PDSS1: variants seen among roughly 807,000 people sequenced by gnomAD.
PDSS1 encodes the protein decaprenyl diphosphate synthase subunit 1.
A neutral mutation model predicts 57.5 loss-of-function variants in PDSS1; 43 were observed. The ratio of observed to expected loss-of-function variants is 0.75; its 90% confidence interval spans 0.59 to 0.96. PDSS1 has a LOEUF of 0.96. PDSS1 is among the 50% of genes least tolerant of loss of function. The pLI is 0.00. For missense variants in PDSS1, 438 were observed against 527.8 expected (o/e 0.83, Z 1.67); for synonymous variants, 175 against 191.3 (o/e 0.91, Z 0.70).
At chr10:26,718,604 T>G (rs1383227121) in intron 5 of PDSS1, 3 of 151,884 alleles carry the variant, frequency 2.0e-5, no homozygotes, top group Admixed American at 6.6e-5. Flanking sequence ...CTACTAAAAA[T>G]ACAAACATTA....
intron 8 of PDSS1, among the ~76,000 whole-genome samples, chr10:26,729,819 CCTA>C (rs1207089920): frequency 1.3e-5 from 2 of 151,826 alleles, no homozygotes; most frequent in African/African-American, 4.8e-5. Flanking sequence ...TTATTTCTAT[CCTA>C]CTGCTCAAGG....
chr10:26,721,214 G>A (rs1835769588), intron 6 of PDSS1, among the ~76,000 whole-genome samples: 1 of 151,296 alleles, frequency 6.6e-6, no homozygotes, highest in Non-Finnish European at 1.5e-5. Flanking sequence ...CAGGAGAATC[G>A]CTTGAACCTG....
chr10:26,709,548 C>T (rs988014145), intron 4 of PDSS1, 90 bp from the exon 5 acceptor site: 11 of 1,352,116 alleles, frequency 8.1e-6, no homozygotes, highest in African/African-American at 2.9e-5. Context: ...GCAACAAGAG[C>T]GAAACTCCGT....
At position 26,746,725 on chromosome 10, in the gene PDSS1, G is replaced by A. The variant is rs1836961634; in HGVS notation, c.*252G>A. On this transcript the variant is annotated 3_prime_UTR_variant, in exon 12 of 12. Coordinates refer to ENST00000376215, the MANE Select transcript of PDSS1 (RefSeq NM_014317.5). ...AATCAAGGTATCTTGATGGTTATATGTGGTATTGTTTACACTGTTAATATC... is the reference window on the plus strand; with the variant it reads ...AATCAAGGTATCTTGATGGTTATATATGGTATTGTTTACACTGTTAATATC... 8.2e-6 allele frequency: 4 copies of A among 489,548 alleles called. No individual in the cohort carries two copies. Among genetic ancestry groups the A allele is most frequent in the South Asian group, 4.2e-5 (2 of 48,186 alleles). The allele number at this position is 489,548 out of a possible 1,614,324, so 30.3% of individuals were successfully genotyped here. A position where few individuals can be genotyped will look rare whatever the true frequency, so the allele number is the denominator to read the frequency against.
chr10:26,742,670 A>G (rs1836669619), intron 11 of PDSS1, 93 bp downstream of exon 11: 1 of 758,024 alleles, frequency 1.3e-6, no homozygotes, highest in Non-Finnish European at 2.3e-6. Context: ...ACATTAAATT[A>G]TAGATACAAG....
At chr10:26,717,852 A>T (rs190516269) in intron 5 of PDSS1, 12 of 151,564 alleles carry the variant, frequency 7.9e-5, no homozygotes, top group Admixed American at 3.3e-4. Context: ...GCCTTATATT[A>T]AAAAAAAACT....
intron 10 of PDSS1, among the ~76,000 whole-genome samples, chr10:26,737,207 G>T (rs1467614432): frequency 6.6e-6 from 1 of 152,166 alleles, no homozygotes; most frequent in Non-Finnish European, 1.5e-5. Context: ...TTAAGTACTT[G>T]TTATGAACCC....
intron 6 of PDSS1, among the ~76,000 whole-genome samples, chr10:26,723,013 A>G (rs1022695047): frequency 1.3e-5 from 2 of 151,830 alleles, no homozygotes; most frequent in Admixed American, 6.6e-5. Context: ...GTATCGTGCC[A>G]TGCTCTGGGG....
At chr10:26,709,858 A>T in intron 5 of PDSS1, 90 bp downstream of exon 5, 4 of 1,373,266 alleles carry the variant, frequency 2.9e-6, no homozygotes, top group Non-Finnish European at 4.1e-6. Context: ...CCATTTAAGA[A>T]TTAGCATATA....
In PDSS1 at chr10:26,742,583, A is replaced by G. The variant is rs931110550; in HGVS notation, c.1107+6A>G. 2 of 1,586,098 alleles carry G rather than the reference A, an allele frequency of 1.3e-6. No homozygotes were observed. Among genetic ancestry groups the G allele is most frequent in the African/African-American group, 1.3e-5 (1 of 74,388 alleles). On this transcript the variant is annotated splice_donor_region_variant and intron_variant, in intron 11 of 11. Coordinates refer to ENST00000376215, the MANE Select transcript of PDSS1 (RefSeq NM_014317.5). ...CTCGACAGTATGTACTACAGGTAAG[A>G]CTGTTTTTTTAAAAAAAAGGCAGCA...
At chr10:26,721,419 T>G (rs1835778549) in intron 6 of PDSS1, among the ~76,000 whole-genome samples, 1 of 35,904 alleles carries the variant, frequency 2.8e-5, no homozygotes, top group Admixed American at 4.0e-4. Flanking sequence ...AAGAGATATA[T>G]GTATACACAC....
intron 8 of PDSS1, among the ~76,000 whole-genome samples, chr10:26,734,221 C>G (rs1248697403): frequency 6.6e-6 from 1 of 152,224 alleles, no homozygotes. Context: ...GACGCCTGAG[C>G]AAAGTTCACT....
intron 8 of PDSS1, among the ~76,000 whole-genome samples, chr10:26,729,039 C>A (rs1197902330): frequency 6.6e-6 from 1 of 152,098 alleles, no homozygotes; most frequent in Non-Finnish European, 1.5e-5. Context: ...CTCGGCCTCC[C>A]AAAGTGCTGG....
rs7083369 is a variant in PDSS1, at chr10:26,723,511, G to A, written c.610-295G>A. ...AACCGATTATTAGAAACTGGGAAGA[G>A]TGACATGGTCATCTCTGAGAGCCAG... On this transcript the variant is annotated intron_variant, in intron 6 of 11. Transcript: ENST00000376215. Among the ~76,000 whole-genome samples the A allele has an allele frequency of 0.015, 2,320 of 152,158 alleles. 51 individuals are homozygous for A. Among genetic ancestry groups the A allele is most frequent in the African/African-American group, 0.053 (2,181 of 41,486 alleles).
intron 6 of PDSS1, among the ~76,000 whole-genome samples, chr10:26,723,315 A>G (rs12248463): frequency 0.021 from 3,214 of 152,316 alleles, 112 homozygotes; most frequent in African/African-American, 0.072. Context: ...AAAGGCACAA[A>G]GGAAGAATGA....
chr10:26,700,994 C>T (rs1835035398), intron 1 of PDSS1, among the ~76,000 whole-genome samples: 1 of 152,096 alleles, frequency 6.6e-6, no homozygotes, highest in Admixed American at 6.6e-5. Context: ...TGGCTTTGAC[C>T]AAAATGCTGA....
Position 26,735,590 on chromosome 10 carries a change from C to A in PDSS1, c.1026+11C>A, listed in dbSNP as rs1410291728. ...TTTGCCTGTCAGCAGGTAGGTTTTA[C>A]AAACTCCCTTTGACACATCACTGCA... On this transcript the variant is annotated intron_variant, in intron 10 of 11. Transcript: ENST00000376215. 1.3e-6 allele frequency: 2 copies of A among 1,501,342 alleles called. No homozygotes were observed. The highest frequency in any genetic ancestry group is 1.7e-5 in the Admixed American group (1 of 59,902). 93.0% of individuals were successfully genotyped at this position (1,501,342 alleles called of 1,614,324 possible). A position where few individuals can be genotyped will look rare whatever the true frequency, so the allele number is the denominator to read the frequency against.
chr10:26,704,799 G>A lies in PDSS1; in HGVS notation c.227+58G>A, dbSNP rs6482571. The A allele has an allele frequency of 0.17, 160,601 of 953,364 alleles. 19,544 individuals carry two copies. Among genetic ancestry groups the A allele is most frequent in the East Asian group, 0.49 (20,129 of 41,266 alleles). 59.1% of individuals were successfully genotyped at this position (953,364 alleles called of 1,614,324 possible). A position where few individuals can be genotyped will look rare whatever the true frequency, so the allele number is the denominator to read the frequency against. On this transcript the variant is annotated intron_variant, in intron 3 of 11. Transcript: ENST00000376215. ...ATTATCCATTTTTAAATTTATTGTT[G>A]TTTAAAAAATTTTTTTTGTAGCGAT...
Position 26,746,366 on chromosome 10 carries a change from C to CA in PDSS1, c.1142dup (p.Gln382AlafsTer5). 1 of 1,614,086 alleles carries CA rather than the reference C, an allele frequency of 6.2e-7. No homozygotes were observed. Among genetic ancestry groups the CA allele is most frequent in the East Asian group, 2.2e-5 (1 of 44,876 alleles). On this transcript the variant is annotated frameshift_variant, in exon 12 of 12. Coordinates refer to ENST00000376215, the MANE Select transcript of PDSS1 (RefSeq NM_014317.5). LOFTEE classifies it high-confidence loss of function. ...TGTGCAACAAACAACCTACCTCGCC[C>CA]AGCAGTACTGCCATGAAGCAATAAG...
Sources: allele counts gnomAD v4.1 joint callset (sites outside exome capture counted in the v4.1 genomes callset), GRCh38; gene constraint gnomAD v4.1.1; transcripts MANE v1.5; gene names NCBI Gene and HGNC (gene_info 2026-07-23, HGNC 2026-07-21).